The following GOT1 variants were observed in gnomAD, a reference collection of about 807,000 sequenced individuals.
GOT1 encodes the protein glutamic-oxaloacetic transaminase 1.
GOT1 carries 25 observed loss-of-function variants against 48.2 expected under a neutral mutation model. The observed-to-expected ratio is 0.52, with a 90% CI of 0.38 to 0.72. GOT1 has a LOEUF of 0.72. Among genes scored for constraint, GOT1 ranks in the 30% least tolerant of loss-of-function variants. The probability of loss-of-function intolerance (pLI) is 0.00; values close to 1 mark genes in which losing one functional copy is unlikely to be tolerated. For synonymous variants in GOT1, 188 were observed against 193.8 expected, an observed-to-expected ratio of 0.97 and a Z score of 0.25; for missense variants, 380 against 520.1, an observed-to-expected ratio of 0.73 and a Z score of 2.62.
chr10:99,415,915 T>A (rs997884070), intron 2 of GOT1, among the ~76,000 whole-genome samples: 1 of 152,108 alleles, frequency 6.6e-6, no homozygotes, highest in East Asian at 1.9e-4. Flanking sequence ...AAACTCTCAA[T>A]AAATTAGGTA....
Position 99,403,849 on chromosome 10 carries a change from T to C in GOT1, c.668A>G (p.Asp223Gly), listed in dbSNP as rs1564969181. Residue 223 changes from aspartate to glycine, a missense_variant, in exon 6 of 9, where the codon GAC becomes GGC. Coordinates refer to ENST00000370508, the MANE Select transcript of GOT1 (RefSeq NM_002079.3). ...MKHRFLFPFFDSAYQGFASGN... is the reference protein window; with the variant it reads ...MKHRFLFPFFGSAYQGFASGN... ...AGATGCGAAGCCCTGATAGGCTGAG[T>C]CAAAGAAGGGGAACAGAAACCGGTG... 2 of 1,613,690 alleles carry C rather than the reference T, an allele frequency of 1.2e-6. No homozygotes were observed. Among genetic ancestry groups the C allele is most frequent in the Non-Finnish European group, 1.7e-6 (2 of 1,179,984 alleles).
intron 1 of GOT1, among the ~76,000 whole-genome samples, chr10:99,425,087 C>T (rs2033021497): frequency 6.6e-6 from 1 of 152,276 alleles, no homozygotes; most frequent in African/African-American, 2.4e-5. Flanking sequence ...CCAAGAAACA[C>T]AGAGCATAGA....
chr10:99,402,837 C>A, intron 7 of GOT1, 115 bp from the exon 8 acceptor site: 1 of 803,010 alleles, frequency 1.2e-6, no homozygotes, highest in South Asian at 1.6e-5. Context: ...TCATAACCTG[C>A]CTATTATGGC....
intron 8 of GOT1, 43 bp downstream of exon 8, chr10:99,402,537 G>C: frequency 6.2e-7 from 1 of 1,606,756 alleles, no homozygotes; most frequent in South Asian, 1.1e-5. Context: ...AATGTTGTGT[G>C]TCTACATGCA....
chr10:99,410,164 G>A (rs9971274), intron 2 of GOT1, among the ~76,000 whole-genome samples: 10,347 of 152,266 alleles, frequency 0.068, 430 homozygotes, highest in Middle Eastern at 0.11. Flanking sequence ...CCCCCACATT[G>A]TGGTTTACCT....
intron 2 of GOT1, among the ~76,000 whole-genome samples, chr10:99,412,612 A>G (rs563260013): frequency 2.5e-4 from 38 of 151,952 alleles, no homozygotes; most frequent in Non-Finnish European, 4.4e-4. Context: ...TTCTCTCAGC[A>G]CGGAGTTTCA....
At chr10:99,404,541 G>C (rs889628885) in intron 5 of GOT1, among the ~76,000 whole-genome samples, 13 of 152,054 alleles carry the variant, frequency 8.5e-5, no homozygotes, top group African/African-American at 3.1e-4. Context: ...AAATCCTTTT[G>C]CATCTCACTG....
intron 4 of GOT1, 23 bp from the exon 5 acceptor site, chr10:99,405,883 A>C: frequency 7.7e-7 from 1 of 1,301,834 alleles, no homozygotes. Context: ...AAGCTATGTC[A>C]GCTCTGACAC....
At chr10:99,412,675 G>A (rs911030096) in intron 2 of GOT1, among the ~76,000 whole-genome samples, 2 of 152,032 alleles carry the variant, frequency 1.3e-5, no homozygotes, top group African/African-American at 4.8e-5. Flanking sequence ...CCCCTGAGTA[G>A]CCTAACTGGG....
intron 2 of GOT1, among the ~76,000 whole-genome samples, chr10:99,412,027 C>G (rs1392421695): frequency 6.6e-6 from 1 of 152,116 alleles, no homozygotes; most frequent in African/African-American, 2.4e-5. Flanking sequence ...CCTAAAATAC[C>G]TAAGGATTCA....
At chr10:99,425,803 A>G (rs749572620) in intron 1 of GOT1, among the ~76,000 whole-genome samples, 1 of 152,094 alleles carries the variant, frequency 6.6e-6, no homozygotes, top group Non-Finnish European at 1.5e-5. Flanking sequence ...TGCTTTGAAC[A>G]TGCTGAATTT....
In GOT1 at chr10:99,408,438, C is replaced by T. The variant is rs182203791; in HGVS notation, c.301-1589G>A. ...GATCACATGAAAAAGTCTATCTAGC[C>T]GGGCGCAGTGGCTCACGCCTGTAAT... On this transcript the variant is annotated intron_variant, in intron 2 of 8. Transcript: ENST00000370508. 3.7e-4 allele frequency among the ~76,000 whole-genome samples: 56 copies of T among 152,292 alleles called. No individual in the cohort carries two copies. In the East Asian group the frequency reaches 5.6e-3, roughly 15 times the overall value.
Position 99,397,788 on chromosome 10 carries a change from T to A in GOT1, c.1103-102A>T. 8.8e-7 allele frequency: 1 copy of A among 1,141,068 alleles called. No homozygotes were observed. The highest frequency in any genetic ancestry group is 1.3e-6 in the Non-Finnish European group (1 of 787,528). 70.7% of individuals were successfully genotyped at this position (1,141,068 alleles called of 1,614,324 possible). Reference sequence around the variant, plus strand: ...AATTACAGCTTTACTTCTTTCCCCTTAACAGAGAGAAGCAAAACAAAAGGC... The same window carrying A: ...AATTACAGCTTTACTTCTTTCCCCTAAACAGAGAGAAGCAAAACAAAAGGC... On this transcript the variant is annotated intron_variant, in intron 8 of 8. Transcript: ENST00000370508. The surrounding 1 kb of genome is among the most constrained non-coding windows in gnomAD (Gnocchi z 5.4).
At chr10:99,416,664 C>T (rs539750421) in intron 2 of GOT1, among the ~76,000 whole-genome samples, 1 of 152,102 alleles carries the variant, frequency 6.6e-6, no homozygotes, top group Non-Finnish European at 1.5e-5. Context: ...CATCATGCTA[C>T]TTGACTTCAA....
intron 2 of GOT1, among the ~76,000 whole-genome samples, chr10:99,411,085 T>A (rs935587415): frequency 3.3e-5 from 5 of 152,216 alleles, no homozygotes; most frequent in Non-Finnish European, 5.9e-5. Flanking sequence ...TCTCACGGCA[T>A]CTGGCACATG....
chr10:99,406,288 C>T, intron 3 of GOT1, 39 bp from the exon 4 acceptor site: 1 of 1,400,622 alleles, frequency 7.1e-7, no homozygotes, highest in Non-Finnish European at 1.0e-6. Flanking sequence ...ACTTTACAAA[C>T]ACTAGGAGGC....
Position 99,403,463 on chromosome 10 carries a change from C to T in GOT1, c.959+6G>A, listed in dbSNP as rs199731484. On this transcript the variant is annotated splice_donor_region_variant and intron_variant, in intron 7 of 8. Coordinates refer to ENST00000370508, the MANE Select transcript of GOT1 (RefSeq NM_002079.3). Reference sequence around the variant, plus strand: ...CCCCCGGCCCACCAGACTGGGAGCCCCTTACCATTCCTCAAAGAGCTCAGG... The same window carrying T: ...CCCCCGGCCCACCAGACTGGGAGCCTCTTACCATTCCTCAAAGAGCTCAGG... 2.1e-3 allele frequency: 3,417 copies of T among 1,610,620 alleles called. 7 individuals carry two copies. Among genetic ancestry groups the T allele is most frequent in the Non-Finnish European group, 2.7e-3 (3,195 of 1,177,598 alleles).
At chr10:99,427,814 C>T (rs1005114955) in intron 1 of GOT1, among the ~76,000 whole-genome samples, 4 of 152,202 alleles carry the variant, frequency 2.6e-5, no homozygotes, top group African/African-American at 9.7e-5. Flanking sequence ...ATTCCCAGCT[C>T]TACCACCCAG....
chr10:99,416,989 T>G (rs918846545), intron 2 of GOT1, among the ~76,000 whole-genome samples: 2 of 152,184 alleles, frequency 1.3e-5, no homozygotes, highest in Non-Finnish European at 2.9e-5. Context: ...GAAGAAAACC[T>G]AGGCAATACT....
Sources: gnomAD v4.1 joint callset for allele counts (sites outside exome capture counted in the v4.1 genomes callset) on GRCh38, gnomAD v4.1.1 for gene constraint, Gnocchi (gnomAD v3.1) non-coding constraint, MANE v1.5 for transcripts, NCBI Gene and HGNC (gene_info 2026-07-23, HGNC 2026-07-21) for gene names.